Variants in CFAP100 observed in about 807,000 individuals in gnomAD.
The protein encoded by CFAP100 is cilia- and flagella-associated protein 100.
A neutral mutation model predicts 81.5 loss-of-function variants in CFAP100; 70 were observed. That is an observed-to-expected ratio of 0.86 (90% CI 0.71 to 1.05). The LOEUF (loss-of-function observed/expected upper bound fraction) is 1.05, where lower values mean the gene tolerates loss of function less well. CFAP100 is among the 50% of genes least tolerant of loss of function. CFAP100 has a pLI of 0.00. For synonymous variants in CFAP100, 341 were observed against 314.8 expected (o/e 1.08, Z -0.88); for missense variants, 811 against 776.5 (o/e 1.04, Z -0.53).
intron 11 of CFAP100, chr3:126,420,932 G>C (rs62264695): frequency 0.033 from 5,089 of 152,394 alleles, 127 homozygotes; most frequent in South Asian, 0.11. Flanking sequence ...GGTTCTCTAT[G>C]TATTCTGGGG....
At chr3:126,415,056 G>A (rs2083212615) in intron 4 of CFAP100, among the ~76,000 whole-genome samples, 1 of 152,132 alleles carries the variant, frequency 6.6e-6, no homozygotes, top group South Asian at 2.1e-4. Context: ...CTGAGACCCA[G>A]AGACTCTCTG....
At chr3:126,417,827 T>C (rs2107604791) in intron 5 of CFAP100, among the ~76,000 whole-genome samples, 1 of 152,354 alleles carries the variant, frequency 6.6e-6, no homozygotes, top group African/African-American at 2.4e-5. Context: ...GAGAGCCCCA[T>C]GGTTTCCAGG....
Position 126,434,282 on chromosome 3 carries a change from T to C in CFAP100, c.1529T>C (p.Ile510Thr), listed in dbSNP as rs150402256. The C allele has an allele frequency of 1.4e-5, 23 of 1,613,918 alleles. No homozygotes were observed. The highest frequency in any genetic ancestry group is 8.0e-5 in the African/African-American group (6 of 74,920). The change falls in exon 15 of 17, where the codon ATT becomes ACT. Residue 510 changes from isoleucine to threonine, a missense_variant. Coordinates refer to ENST00000352312, the MANE Select transcript of CFAP100 (RefSeq NM_182628.3). ...GGCACCGTGCAGATGCTGACCATCA[T>C]TGAGCACCAGCTGGATGAGCTGCTA... ...NLGTVQMLTI[I>T]EHQLDELLEN...
chr3:126,435,642 T>C lies in CFAP100; in HGVS notation c.1712T>C (p.Ile571Thr), dbSNP rs1319328872. The C allele has an allele frequency of 4.3e-6, 7 of 1,609,830 alleles. No individual in the cohort carries two copies. The highest frequency in any genetic ancestry group is 5.9e-6 in the Non-Finnish European group (7 of 1,177,532). The change falls in exon 16 of 17, where the codon ATC becomes ACC. Residue 571 changes from isoleucine to threonine, a missense_variant. Transcript: ENST00000352312. ...QRARARAQAE[I>T]KKKRGRTLVC... ...GCCCGGGCGCGCGCCCAGGCTGAGA[T>C]CAAGAAGAAGGTAGGCAGGGTCGCC...
chr3:126,435,490 A>T, intron 15 of CFAP100, 69 bp from the exon 16 acceptor site: 1 of 1,319,370 alleles, frequency 7.6e-7, no homozygotes. Flanking sequence ...TGGCCTGGGG[A>T]CTCCGTGTGG....
intron 13 of CFAP100, among the ~76,000 whole-genome samples, chr3:126,431,194 G>A (rs1406049714): frequency 6.6e-6 from 1 of 151,796 alleles, no homozygotes. Flanking sequence ...CTACAGACAG[G>A]TGAGGTCTGC....
chr3:126,434,133 T>C, intron 14 of CFAP100, 43 bp from the exon 15 acceptor site: 2 of 1,559,840 alleles, frequency 1.3e-6, no homozygotes, highest in Non-Finnish European at 1.7e-6. Context: ...TGGGGGTGGG[T>C]TTCCGCCTGC....
rs1415851315 is a variant in CFAP100 at position 126,436,517 on chromosome 3, T to C, written c.*113T>C. Reference sequence around the variant, plus strand: ...AACTGAGTCCTCTCTGTCTCCTGTGTGCTCCCTTCCTCACCTGAATAAATT... The same window carrying C: ...AACTGAGTCCTCTCTGTCTCCTGTGCGCTCCCTTCCTCACCTGAATAAATT... On this transcript the variant is annotated 3_prime_UTR_variant, in exon 17 of 17. Transcript: ENST00000352312. 5 of 720,982 alleles carry C rather than the reference T, an allele frequency of 6.9e-6. No homozygotes were observed. The highest frequency in any genetic ancestry group is 9.8e-6 in the Non-Finnish European group (4 of 410,078). The allele number at this position is 720,982 out of a possible 1,614,324, so 44.7% of individuals were successfully genotyped here.
chr3:126,397,005 G>A (rs2082900306), intron 2 of CFAP100, among the ~76,000 whole-genome samples: 1 of 152,200 alleles, frequency 6.6e-6, no homozygotes, highest in African/African-American at 2.4e-5. Context: ...GATGGCCACT[G>A]TCCCCTGTCT....
chr3:126,416,354 G>A lies in CFAP100; in HGVS notation c.264G>A (p.Lys88=). ...AGAAGACGATGCGGGTGCACCAGAAGATGACCTACTCCTCGAAAGTGTCGG... is the reference window on the plus strand; with the variant it reads ...AGAAGACGATGCGGGTGCACCAGAAAATGACCTACTCCTCGAAAGTGTCGG... The part of the protein sequence containing the change: ...QQQKTMRVHQ[K]MTYSSKVSAK... The change falls in exon 5 of 17, where the codon AAG becomes AAA. Residue 88 remains lysine, a synonymous_variant. Transcript: ENST00000352312. The A allele has an allele frequency of 6.2e-7, 1 of 1,607,982 alleles. No individual in the cohort carries two copies. Among genetic ancestry groups the A allele is most frequent in the Non-Finnish European group, 8.5e-7 (1 of 1,176,900 alleles).
intron 4 of CFAP100, 85 bp from the exon 5 acceptor site, chr3:126,416,231 G>C: frequency 2.4e-6 from 3 of 1,238,572 alleles, no homozygotes; most frequent in Non-Finnish European, 2.2e-6. Flanking sequence ...GCAAACCCGC[G>C]TCCCTAGGAA....
At chr3:126,418,318 C>T (rs1406571031) in intron 5 of CFAP100, 140 bp from the exon 6 acceptor site, 5 of 683,068 alleles carry the variant, frequency 7.3e-6, no homozygotes, top group Non-Finnish European at 1.3e-5. Context: ...AAGAACACTA[C>T]CTTCCATGGT....
At chr3:126,396,212 G>A (rs1275706137) in intron 2 of CFAP100, among the ~76,000 whole-genome samples, 163 bp downstream of exon 2, 1 of 152,208 alleles carries the variant, frequency 6.6e-6, no homozygotes, top group Non-Finnish European at 1.5e-5. Flanking sequence ...TGCAGCTGCT[G>A]TAACAAAGCA....
chr3:126,414,374 C>A, intron 4 of CFAP100, 195 bp downstream of exon 4: 1 of 685,356 alleles, frequency 1.5e-6, no homozygotes, highest in Non-Finnish European at 2.7e-6. Context: ...GCATCCCACC[C>A]ATCTTCCCGT....
At position 126,433,764 on chromosome 3, in the gene CFAP100, C is replaced by A. The variant is rs551914521; in HGVS notation, c.1423-412C>A. ...TCCATGGGCACTGGCTGTGCCCAGG[C>A]TGGGCTGAGCTGCCTGCCTGCTGCT... On this transcript the variant is annotated intron_variant, in intron 14 of 16. Coordinates refer to ENST00000352312, the MANE Select transcript of CFAP100 (RefSeq NM_182628.3). The A allele has an allele frequency of 4.1e-3, 833 of 202,964 alleles. 3 individuals carry two copies. The highest frequency in any genetic ancestry group is 6.5e-3 in the Non-Finnish European group (640 of 99,042). 12.6% of individuals were successfully genotyped at this position (202,964 alleles called of 1,614,324 possible).
In CFAP100 at chr3:126,405,014, A is replaced by G. The variant is rs545036879; in HGVS notation, c.50-2158A>G. Among the ~76,000 whole-genome samples the G allele has an allele frequency of 5.3e-5, 8 of 152,308 alleles. No individual in the cohort carries two copies. In the East Asian group the frequency reaches 1.4e-3, roughly 26 times the overall value. ...GTCTTAAAATTTTGATGAAATACAC[A>G]TAAAATTGACCATCTTAACTATATT... On this transcript the variant is annotated intron_variant, in intron 2 of 16. Transcript: ENST00000352312.
At chr3:126,410,654 C>T (rs1015873585) in intron 3 of CFAP100, among the ~76,000 whole-genome samples, 16 of 152,188 alleles carry the variant, frequency 1.1e-4, no homozygotes, top group African/African-American at 3.9e-4. Context: ...GCATGAGCTA[C>T]CCTGTCCAGC....
At chr3:126,397,494 G>A (rs2082907276) in intron 2 of CFAP100, among the ~76,000 whole-genome samples, 1 of 152,256 alleles carries the variant, frequency 6.6e-6, no homozygotes, top group Non-Finnish European at 1.5e-5. Context: ...CCACAAGACA[G>A]TTGAAGGACA....
At chr3:126,424,078 T>A (rs2083375393) in intron 13 of CFAP100, among the ~76,000 whole-genome samples, 1 of 152,256 alleles carries the variant, frequency 6.6e-6, no homozygotes, top group African/African-American at 2.4e-5. Flanking sequence ...TGCTTCATAT[T>A]TCGTAGACCA....
Sources: gnomAD v4.1 joint callset for allele counts (sites outside exome capture counted in the v4.1 genomes callset) on GRCh38, gnomAD v4.1.1 for gene constraint, MANE v1.5 for transcripts, NCBI Gene and HGNC (gene_info 2026-07-23, HGNC 2026-07-21) for gene names.